PCCA: variants seen among roughly 807,000 people sequenced by gnomAD.
PCCA encodes propionyl-CoA carboxylase subunit alpha.
PCCA carries 74 observed loss-of-function variants against 101.3 expected under a neutral mutation model. That is an observed-to-expected ratio of 0.73 (90% CI 0.61 to 0.89). The LOEUF is 0.89. PCCA is among the 40% of genes least tolerant of loss of function. The probability of loss-of-function intolerance (pLI) is 0.00; values close to 1 mark genes in which losing one functional copy is unlikely to be tolerated. For missense variants in PCCA, 891 were observed against 907.0 expected, an observed-to-expected ratio of 0.98 and a Z score of 0.23; for synonymous variants, 294 against 313.6, an observed-to-expected ratio of 0.94 and a Z score of 0.66.
intron 21 of PCCA, among the ~76,000 whole-genome samples, chr13:100,457,806 T>C (rs2081857170): frequency 6.6e-6 from 1 of 152,176 alleles, no homozygotes. Flanking sequence ...TGTGTGTCAC[T>C]TTTGGTCAGA....
chr13:100,417,805 C>G (rs1395845831), intron 19 of PCCA, among the ~76,000 whole-genome samples: 2 of 152,134 alleles, frequency 1.3e-5, no homozygotes, highest in Non-Finnish European at 2.9e-5. Context: ...CTTACCCTAA[C>G]TAAAACCTTA....
chr13:100,213,244 G>T (rs1478492866), intron 7 of PCCA, among the ~76,000 whole-genome samples: 1 of 152,098 alleles, frequency 6.6e-6, no homozygotes, highest in African/African-American at 2.4e-5. Context: ...TTTCTTTTGG[G>T]TATATACCTA....
At position 100,515,677 on chromosome 13, in the gene PCCA, C is replaced by T. The variant is rs147456657; in HGVS notation, c.2040+110C>T. The T allele has an allele frequency of 9.3e-5, 125 of 1,348,926 alleles. 1 individual carries two copies. In the East Asian group the frequency reaches 2.4e-3, roughly 26 times the overall value. The allele number at this position is 1,348,926 out of a possible 1,614,324, so 83.6% of individuals were successfully genotyped here. On this transcript the variant is annotated intron_variant, in intron 22 of 23. Coordinates refer to ENST00000376285, the MANE Select transcript of PCCA (RefSeq NM_000282.4). ...CGGCTCTTTGCAGTTCTTACTTAACCGACGCCCCCTAAACAGCAAAATCGA... is the reference window on the plus strand; with the variant it reads ...CGGCTCTTTGCAGTTCTTACTTAACTGACGCCCCCTAAACAGCAAAATCGA...
intron 18 of PCCA, among the ~76,000 whole-genome samples, chr13:100,368,204 A>C (rs2075336133): frequency 6.6e-6 from 1 of 152,146 alleles, no homozygotes; most frequent in African/African-American, 2.4e-5. Context: ...ATTTCATTGT[A>C]ATTTTTTTTT....
intron 19 of PCCA, among the ~76,000 whole-genome samples, chr13:100,417,527 G>A (rs1019431561): frequency 3.9e-5 from 6 of 152,202 alleles, no homozygotes; most frequent in African/African-American, 1.4e-4. Flanking sequence ...AGATATGGAA[G>A]ATGTATGTGG....
chr13:100,318,262 T>C (rs2067591452), intron 16 of PCCA, among the ~76,000 whole-genome samples: 1 of 152,210 alleles, frequency 6.6e-6, no homozygotes, highest in South Asian at 2.1e-4. Context: ...CATGGTGTTT[T>C]CCTTTCATTC....
At chr13:100,305,735 A>G in intron 14 of PCCA, 1 of 371,734 alleles carries the variant, frequency 2.7e-6, no homozygotes. Context: ...AAGCTGCTCC[A>G]TTAATTTTTT....
At chr13:100,105,370 C>G (rs2152260979) in intron 2 of PCCA, among the ~76,000 whole-genome samples, 1 of 152,212 alleles carries the variant, frequency 6.6e-6, no homozygotes, top group Non-Finnish European at 1.5e-5. Flanking sequence ...GTGTTGCATT[C>G]CAATCTCGAA....
In PCCA at chr13:100,447,290, C is replaced by T. The variant is rs138505281; in HGVS notation, c.1846-1962C>T. ...TCCCAGCTACTTGGGAGGCTGAGGC[C>T]GGAGAATCGCTTGAACCCAGGAGGC... On this transcript the variant is annotated intron_variant, in intron 20 of 23. Transcript: ENST00000376285. Among the ~76,000 whole-genome samples, 1,252 of 151,670 alleles carry T rather than the reference C, an allele frequency of 8.3e-3. 13 individuals carry two copies. Among genetic ancestry groups the T allele is most frequent in the African/African-American group, 0.028 (1,164 of 41,332 alleles).
intron 12 of PCCA, among the ~76,000 whole-genome samples, chr13:100,287,570 A>G (rs1472400733): frequency 6.6e-6 from 1 of 152,080 alleles, no homozygotes; most frequent in Admixed American, 6.5e-5. Context: ...CTCTTTTACA[A>G]AAGTAATGGA....
At chr13:100,370,574 A>G (rs545460631) in intron 19 of PCCA, among the ~76,000 whole-genome samples, 1 of 152,300 alleles carries the variant, frequency 6.6e-6, no homozygotes, top group Admixed American at 6.5e-5. Flanking sequence ...TTAGTATATA[A>G]TATCAGAAAT....
Position 100,111,973 on chromosome 13 carries a change from A to G in PCCA, c.232-20A>G, listed in dbSNP as rs376850891. The G allele has an allele frequency of 2.6e-5, 41 of 1,585,422 alleles. No homozygotes were observed. The African/African-American group carries it at 3.8e-4, about 15-fold the overall frequency. On this transcript the variant is annotated intron_variant, in intron 3 of 23. Coordinates refer to ENST00000376285, the MANE Select transcript of PCCA (RefSeq NM_000282.4). ...TAAGTGTGAATCACTATTAATAGACATTAATATATTTTAAAATAGGTTATT... is the reference window on the plus strand; with the variant it reads ...TAAGTGTGAATCACTATTAATAGACGTTAATATATTTTAAAATAGGTTATT...
In PCCA at chr13:100,204,883, A is replaced by G. The variant is rs371915708; in HGVS notation, c.469-4449A>G. Among the ~76,000 whole-genome samples, 147 of 152,184 alleles carry G rather than the reference A, an allele frequency of 9.7e-4. 4 individuals are homozygous for G. The South Asian group carries it at 0.028, about 29-fold the overall frequency. On this transcript the variant is annotated intron_variant, in intron 6 of 23. Coordinates refer to ENST00000376285, the MANE Select transcript of PCCA (RefSeq NM_000282.4). Reference sequence around the variant, plus strand: ...ATAGCGCACAACAGCTTTGAACAGTATCTGGGCTCAAGAGATACTCCTGGC... The same window carrying G: ...ATAGCGCACAACAGCTTTGAACAGTGTCTGGGCTCAAGAGATACTCCTGGC...
chr13:100,164,355 G>C (rs529854696), intron 6 of PCCA, among the ~76,000 whole-genome samples: 1 of 152,154 alleles, frequency 6.6e-6, no homozygotes, highest in African/African-American at 2.4e-5. Context: ...TGGCAGGCTC[G>C]GATAGGAGAG....
chr13:100,135,534 A>T (rs1437002417), intron 4 of PCCA, among the ~76,000 whole-genome samples: 1 of 151,998 alleles, frequency 6.6e-6, no homozygotes, highest in Non-Finnish European at 1.5e-5. Context: ...ATCTTGCTAA[A>T]CTCATTAGTT....
At chr13:100,415,538 T>C (rs748207500) in intron 19 of PCCA, among the ~76,000 whole-genome samples, 10 of 152,244 alleles carry the variant, frequency 6.6e-5, no homozygotes, top group Non-Finnish European at 7.3e-5. Flanking sequence ...GAATTAGATA[T>C]AACTTGACCA....
intron 6 of PCCA, among the ~76,000 whole-genome samples, chr13:100,187,476 T>C (rs2057378906): frequency 6.6e-6 from 1 of 152,154 alleles, no homozygotes; most frequent in Admixed American, 6.5e-5. Context: ...ATACATTATA[T>C]GAGGTCTGGA....
At chr13:100,406,583 A>T (rs997392404) in intron 19 of PCCA, among the ~76,000 whole-genome samples, 3 of 152,312 alleles carry the variant, frequency 2.0e-5, no homozygotes, top group Admixed American at 1.3e-4. Context: ...ACATGCCTAT[A>T]ATCCCAGCTA....
At chr13:100,089,394 C>T (rs1367970075) in intron 1 of PCCA, among the ~76,000 whole-genome samples, 169 bp downstream of exon 1, 1 of 152,252 alleles carries the variant, frequency 6.6e-6, no homozygotes, top group African/African-American at 2.4e-5. Context: ...CGCGTGGCAG[C>T]GGGCTCAGGA....
Sources: allele counts gnomAD v4.1 joint callset (sites outside exome capture counted in the v4.1 genomes callset), GRCh38; gene constraint gnomAD v4.1.1; transcripts MANE v1.5; gene names NCBI Gene and HGNC (gene_info 2026-07-23, HGNC 2026-07-21).